NME7: variants seen among roughly 807,000 people sequenced by gnomAD.
NME7 encodes the protein nucleoside diphosphate kinase 7.
Under a neutral mutation model 49.1 loss-of-function variants are expected in NME7, and 41 were observed. The observed-to-expected ratio is 0.83, with a 90% CI of 0.65 to 1.08. NME7 has a LOEUF of 1.08. NME7 is among the 50% of genes least tolerant of loss of function. The pLI is 0.00. For synonymous variants in NME7, 139 were observed against 150.6 expected, an observed-to-expected ratio of 0.92 and a Z score of 0.56; for missense variants, 423 against 463.4, an observed-to-expected ratio of 0.91 and a Z score of 0.80.
chr1:169,330,098 T>G (rs753094715), intron 1 of NME7, among the ~76,000 whole-genome samples: 4 of 151,710 alleles, frequency 2.6e-5, no homozygotes, highest in African/African-American at 4.9e-5. Flanking sequence ...TTAGTTAAAA[T>G]ATCCTTCAAA....
At chr1:169,346,592 G>A (rs1476537772) in intron 1 of NME7, among the ~76,000 whole-genome samples, 1 of 152,032 alleles carries the variant, frequency 6.6e-6, no homozygotes, top group African/African-American at 2.4e-5. Context: ...TCATTACCCT[G>A]CTCATTTTTT....
intron 11 of NME7, among the ~76,000 whole-genome samples, chr1:169,133,825 GAT>G (rs1658336772): frequency 1.3e-5 from 2 of 152,144 alleles, no homozygotes; most frequent in African/African-American, 4.8e-5. Flanking sequence ...AGGTGTATGT[GAT>G]ATTTAAATTT....
chr1:169,240,878 C>G (rs1261464368), intron 7 of NME7, among the ~76,000 whole-genome samples: 1 of 152,014 alleles, frequency 6.6e-6, no homozygotes, highest in Non-Finnish European at 1.5e-5. Context: ...TGTAGTTTAT[C>G]TTCACTTGGA....
chr1:169,235,497 G>A (rs1647821789), intron 8 of NME7, among the ~76,000 whole-genome samples: 1 of 151,958 alleles, frequency 6.6e-6, no homozygotes, highest in Admixed American at 6.6e-5. Context: ...AGACTCAGAG[G>A]AGTCATACAA....
chr1:169,326,920 T>G (rs551631309), intron 1 of NME7, among the ~76,000 whole-genome samples: 2 of 152,208 alleles, frequency 1.3e-5, no homozygotes, highest in East Asian at 3.9e-4. Context: ...GAGCCAAATC[T>G]AGAAAAAAGG....
intron 10 of NME7, 96 bp downstream of exon 10, chr1:169,230,622 C>A: frequency 1.8e-6 from 1 of 553,166 alleles, no homozygotes; most frequent in Non-Finnish European, 3.0e-6. Context: ...TTCATTTTTA[C>A]ATTATTTACT....
At chr1:169,139,056 G>T (rs1658515446) in intron 11 of NME7, among the ~76,000 whole-genome samples, 2 of 152,108 alleles carry the variant, frequency 1.3e-5, no homozygotes, top group Non-Finnish European at 2.9e-5. Flanking sequence ...TGTTGCTTCT[G>T]TTCCCTTCTC....
At chr1:169,158,434 T>C (rs1659147095) in intron 11 of NME7, among the ~76,000 whole-genome samples, 1 of 152,206 alleles carries the variant, frequency 6.6e-6, no homozygotes, top group Admixed American at 6.5e-5. Context: ...AACTTATAAA[T>C]TGTTTATTTC....
At chr1:169,243,578 C>A (rs2101835822) in intron 7 of NME7, among the ~76,000 whole-genome samples, 1 of 152,206 alleles carries the variant, frequency 6.6e-6, no homozygotes, top group Non-Finnish European at 1.5e-5. Flanking sequence ...AAGAACAAAG[C>A]CCATGTGAAT....
At chr1:169,354,251 G>A (rs1467348798) in intron 1 of NME7, among the ~76,000 whole-genome samples, 1 of 152,018 alleles carries the variant, frequency 6.6e-6, no homozygotes, top group African/African-American at 2.4e-5. Flanking sequence ...AAAACATAAT[G>A]GAATTAAAGG....
chr1:169,347,324 C>G (rs1236863057), intron 1 of NME7, among the ~76,000 whole-genome samples: 1 of 152,178 alleles, frequency 6.6e-6, no homozygotes, highest in Non-Finnish European at 1.5e-5. Flanking sequence ...TACACTTGAT[C>G]TGAGATGTCA....
intron 7 of NME7, among the ~76,000 whole-genome samples, chr1:169,282,026 C>T (rs763052337): frequency 1.3e-5 from 2 of 152,130 alleles, no homozygotes; most frequent in East Asian, 3.9e-4. Flanking sequence ...AGGAATGGTA[C>T]CAGCTCCTCT....
chr1:169,231,705 C>G (rs1475831291), intron 9 of NME7, among the ~76,000 whole-genome samples: 1 of 151,294 alleles, frequency 6.6e-6, no homozygotes, highest in Non-Finnish European at 1.5e-5. Flanking sequence ...GAGTGAAAGG[C>G]CTTTTTATAT....
chr1:169,249,153 A>ACACAAAC (rs1207333729), intron 7 of NME7, among the ~76,000 whole-genome samples: 3 of 151,994 alleles, frequency 2.0e-5, no homozygotes, highest in African/African-American at 7.2e-5. Flanking sequence ...GTCATCTATG[A>ACACAAAC]TTTCTATCAG....
chr1:169,254,085 G>C (rs1310540502), intron 7 of NME7, among the ~76,000 whole-genome samples: 1 of 150,400 alleles, frequency 6.6e-6, no homozygotes, highest in African/African-American at 2.4e-5. Flanking sequence ...CATAAAATGA[G>C]TTAGGGAGGA....
At chr1:169,246,023 A>G (rs1210727487) in intron 7 of NME7, among the ~76,000 whole-genome samples, 6 of 152,194 alleles carry the variant, frequency 3.9e-5, no homozygotes, top group African/African-American at 1.4e-4. Context: ...ACAAATGTCT[A>G]TGGTTTTCTG....
intron 10 of NME7, among the ~76,000 whole-genome samples, chr1:169,172,171 C>T (rs921552700): frequency 7.2e-5 from 11 of 152,224 alleles, no homozygotes; most frequent in Admixed American, 5.9e-4. Flanking sequence ...AGTACCCCTA[C>T]CCCTTCTGGA....
chr1:169,220,530 C>T (rs140375658), intron 10 of NME7, among the ~76,000 whole-genome samples: 9 of 152,080 alleles, frequency 5.9e-5, no homozygotes, highest in African/African-American at 1.9e-4. Flanking sequence ...TTCTTTTTCT[C>T]GGTTAGACAA....
intron 4 of NME7, among the ~76,000 whole-genome samples, chr1:169,307,859 A>T (rs543234384): frequency 5.9e-5 from 9 of 152,242 alleles, no homozygotes; most frequent in African/African-American, 2.2e-4. Context: ...GTCTCTACTA[A>T]AAATACAAAA....
Sources: gnomAD v4.1 joint callset for allele counts (sites outside exome capture counted in the v4.1 genomes callset) on GRCh38, gnomAD v4.1.1 for gene constraint, MANE v1.5 for transcripts, NCBI Gene and HGNC (gene_info 2026-07-23, HGNC 2026-07-21) for gene names.